Variants in DOCK4 observed in about 807,000 individuals in gnomAD.
DOCK4 encodes the protein dedicator of cytokinesis 4.
Under a neutral mutation model 268.1 loss-of-function variants are expected in DOCK4, and 97 were observed. The ratio of observed to expected loss-of-function variants is 0.36; its 90% CI spans 0.31 to 0.43. The LOEUF is 0.43. Among genes scored for constraint, DOCK4 ranks in the 20% least tolerant of loss-of-function variants. The pLI, the probability that DOCK4 is intolerant of heterozygous loss-of-function variation, is 1.00. For missense variants in DOCK4, 2,145 were observed against 2,455.7 expected (o/e 0.87, Z 2.67); for synonymous variants, 954 against 887.2 (o/e 1.08, Z -1.34).
chr7:111,736,491 C>A (rs577542464), intron 50 of DOCK4, among the ~76,000 whole-genome samples: 2 of 152,200 alleles, frequency 1.3e-5, no homozygotes, highest in South Asian at 2.1e-4. Flanking sequence ...GTACAAGAGC[C>A]GTATCTGAGT....
intron 1 of DOCK4, among the ~76,000 whole-genome samples, chr7:112,161,129 G>A (rs1289473071): frequency 2.0e-5 from 3 of 152,048 alleles, no homozygotes; most frequent in Admixed American, 2.0e-4. Context: ...TCTACCTGGC[G>A]ACCGCTAGTC....
chr7:111,938,107 A>T (rs541962128), intron 11 of DOCK4, among the ~76,000 whole-genome samples: 16 of 152,364 alleles, frequency 1.1e-4, no homozygotes, highest in Admixed American at 5.2e-4. Context: ...TGATAAAAAG[A>T]GTAGCAACTT....
intron 1 of DOCK4, among the ~76,000 whole-genome samples, chr7:112,070,490 G>A (rs893921165): frequency 6.6e-6 from 1 of 152,028 alleles, no homozygotes; most frequent in Non-Finnish European, 1.5e-5. Context: ...TATTTCTCAG[G>A]GAAATAGGAT....
At chr7:111,866,848 G>A (rs530278754) in intron 22 of DOCK4, among the ~76,000 whole-genome samples, 1 of 152,330 alleles carries the variant, frequency 6.6e-6, no homozygotes, top group East Asian at 1.9e-4. Flanking sequence ...CTTTTGTAGA[G>A]ACAGTAAACT....
chr7:111,846,918 C>A (rs769587028), intron 24 of DOCK4, 81 bp downstream of exon 24: 8 of 1,448,896 alleles, frequency 5.5e-6, no homozygotes, highest in Non-Finnish European at 6.5e-6. Flanking sequence ...CTCTTTAGTG[C>A]GGTTTCTTTG....
chr7:112,094,868 A>C (rs762929166), intron 1 of DOCK4, among the ~76,000 whole-genome samples: 4 of 152,070 alleles, frequency 2.6e-5, no homozygotes, highest in African/African-American at 9.7e-5. Context: ...TCCTGCTTTC[A>C]CCATGCGATG....
chr7:112,165,914 C>A (rs1392994386), intron 1 of DOCK4, among the ~76,000 whole-genome samples: 1 of 152,062 alleles, frequency 6.6e-6, no homozygotes, highest in African/African-American at 2.4e-5. Context: ...ACATCCCTCG[C>A]CCCCTCCAAA....
intron 39 of DOCK4, among the ~76,000 whole-genome samples, chr7:111,764,502 G>A (rs1404433572): frequency 6.6e-6 from 1 of 152,114 alleles, no homozygotes; most frequent in East Asian, 1.9e-4. Context: ...ATATACTGAA[G>A]TATTCAATAA....
chr7:112,143,092 C>A (rs1815089271), intron 1 of DOCK4, among the ~76,000 whole-genome samples: 1 of 151,778 alleles, frequency 6.6e-6, no homozygotes, highest in Non-Finnish European at 1.5e-5. Context: ...AGGTAAGGGA[C>A]TCTTTCTATG....
chr7:112,189,246 A>G (rs1819713790), intron 1 of DOCK4, among the ~76,000 whole-genome samples: 1 of 151,986 alleles, frequency 6.6e-6, no homozygotes, highest in South Asian at 2.1e-4. Context: ...CTGTCTTTTG[A>G]TAACAGCTTG....
At chr7:112,078,556 A>G (rs1207416057) in intron 1 of DOCK4, among the ~76,000 whole-genome samples, 2 of 152,214 alleles carry the variant, frequency 1.3e-5, no homozygotes, top group Non-Finnish European at 2.9e-5. Flanking sequence ...ATATCAAAGG[A>G]AGGTGATTTA....
At chr7:111,938,827 T>C (rs1370613026) in intron 11 of DOCK4, among the ~76,000 whole-genome samples, 1 of 152,006 alleles carries the variant, frequency 6.6e-6, no homozygotes, top group Non-Finnish European at 1.5e-5. Flanking sequence ...GAGAAATTTG[T>C]AGCCAGGCAT....
intron 17 of DOCK4, among the ~76,000 whole-genome samples, chr7:111,875,627 A>T (rs1341831897): frequency 6.6e-6 from 1 of 152,276 alleles, no homozygotes; most frequent in Non-Finnish European, 1.5e-5. Flanking sequence ...TAAGATGGTC[A>T]TAGTCAGAGA....
At chr7:111,959,905 A>C (rs1211113839) in intron 8 of DOCK4, among the ~76,000 whole-genome samples, 2 of 152,152 alleles carry the variant, frequency 1.3e-5, no homozygotes, top group African/African-American at 4.8e-5. Context: ...GCAAAAGCTA[A>C]CCTGGGAGTC....
At chr7:111,735,810 A>G (rs1795434188) in intron 50 of DOCK4, among the ~76,000 whole-genome samples, 1 of 152,212 alleles carries the variant, frequency 6.6e-6, no homozygotes, top group Non-Finnish European at 1.5e-5. Flanking sequence ...CCACTATGCA[A>G]TGAGGTTTAC....
chr7:112,074,105 C>G (rs1297842096), intron 1 of DOCK4, among the ~76,000 whole-genome samples: 3 of 152,030 alleles, frequency 2.0e-5, no homozygotes, highest in Non-Finnish European at 1.5e-5. Flanking sequence ...GTGTAATAAG[C>G]CTTTTTGGTT....
At chr7:112,153,429 A>T (rs1399163289) in intron 1 of DOCK4, among the ~76,000 whole-genome samples, 1 of 152,202 alleles carries the variant, frequency 6.6e-6, no homozygotes, top group African/African-American at 2.4e-5. Context: ...TTTACATTTA[A>T]GGTTAATGTT....
At chr7:112,014,654 T>C (rs940126801) in intron 1 of DOCK4, among the ~76,000 whole-genome samples, 2 of 152,216 alleles carry the variant, frequency 1.3e-5, no homozygotes, top group African/African-American at 2.4e-5. Context: ...GATACACTTA[T>C]AGTTAGTTCT....
chr7:112,028,241 A>C (rs1429981576), intron 1 of DOCK4, among the ~76,000 whole-genome samples: 4 of 152,238 alleles, frequency 2.6e-5, no homozygotes, highest in African/African-American at 7.2e-5. Flanking sequence ...CCAACAAAGG[A>C]ATATGTTAAT....
Sources: gnomAD v4.1 joint callset for allele counts (sites outside exome capture counted in the v4.1 genomes callset) on GRCh38, gnomAD v4.1.1 for gene constraint, MANE v1.5 for transcripts, NCBI Gene and HGNC (gene_info 2026-07-23, HGNC 2026-07-21) for gene names.